Variants in DYNC1I1 observed in about 807,000 individuals in gnomAD.
DYNC1I1 encodes dynein cytoplasmic 1 intermediate chain 1, also known as cytoplasmic dynein 1 intermediate chain 1.
Under a neutral mutation model 86.6 loss-of-function variants are expected in DYNC1I1, and 43 were observed. The ratio of observed to expected loss-of-function variants is 0.50; its 90% CI spans 0.39 to 0.64. The LOEUF is 0.64. DYNC1I1 is among the 30% of genes least tolerant of loss of function. DYNC1I1 has a pLI of 0.00. For missense variants in DYNC1I1, 604 were observed against 788.8 expected (o/e 0.77, Z 2.81); for synonymous variants, 262 against 283.7 (o/e 0.92, Z 0.77).
At chr7:96,105,025 T>C in intron 16 of DYNC1I1, among the ~76,000 whole-genome samples, 1 of 148,474 alleles carries the variant, frequency 6.7e-6, no homozygotes, top group East Asian at 2.1e-4. Flanking sequence ...AGTTCACCAA[T>C]AGGTTGTGCA....
At chr7:95,995,907 T>G (rs1793855750) in intron 9 of DYNC1I1, 41 bp from the exon 10 acceptor site, 1 of 1,549,314 alleles carries the variant, frequency 6.5e-7, no homozygotes, top group Non-Finnish European at 8.7e-7. Flanking sequence ...CCTTGTGTTG[T>G]CATCTTAGCA....
intron 14 of DYNC1I1, among the ~76,000 whole-genome samples, chr7:96,070,159 G>A (rs1790116510): frequency 6.6e-6 from 1 of 152,134 alleles, no homozygotes; most frequent in Non-Finnish European, 1.5e-5. Flanking sequence ...TGCATTAGAA[G>A]GATCTCAAAT....
chr7:95,849,508 A>T (rs1010003184), intron 5 of DYNC1I1, among the ~76,000 whole-genome samples: 1 of 151,896 alleles, frequency 6.6e-6, no homozygotes, highest in Non-Finnish European at 1.5e-5. Flanking sequence ...CCACCTGCAT[A>T]AAAAAAATTG....
At chr7:95,989,623 A>T (rs1793680548) in intron 9 of DYNC1I1, among the ~76,000 whole-genome samples, 1 of 152,156 alleles carries the variant, frequency 6.6e-6, no homozygotes, top group South Asian at 2.1e-4. Flanking sequence ...TCAGTAGGTG[A>T]TGGGCCACAT....
intron 6 of DYNC1I1, among the ~76,000 whole-genome samples, chr7:95,974,040 C>G (rs142999489): frequency 0.021 from 3,246 of 152,284 alleles, 57 homozygotes; most frequent in Middle Eastern, 0.031. Flanking sequence ...CTTCACACAA[C>G]TCACTCCCTT....
At chr7:95,996,836 C>T (rs1374518388) in intron 10 of DYNC1I1, among the ~76,000 whole-genome samples, 1 of 152,154 alleles carries the variant, frequency 6.6e-6, no homozygotes, top group Non-Finnish European at 1.5e-5. Context: ...ACAAACATTT[C>T]AGCTCAAAAT....
chr7:96,078,466 G>A (rs535530701), intron 15 of DYNC1I1, among the ~76,000 whole-genome samples: 1 of 152,068 alleles, frequency 6.6e-6, no homozygotes, highest in Admixed American at 6.5e-5. Context: ...ATTTTCTAGC[G>A]CATAATATAG....
chr7:95,955,439 C>T (rs1374266152), intron 6 of DYNC1I1, among the ~76,000 whole-genome samples: 1 of 152,040 alleles, frequency 6.6e-6, no homozygotes, highest in Non-Finnish European at 1.5e-5. Flanking sequence ...TCTCCCACCT[C>T]TCCGGAGTTA....
intron 5 of DYNC1I1, among the ~76,000 whole-genome samples, chr7:95,850,823 T>A (rs1269469692): frequency 6.6e-6 from 1 of 152,220 alleles, no homozygotes; most frequent in Non-Finnish European, 1.5e-5. Context: ...CCTTTTCACA[T>A]AAATGAAACG....
At chr7:96,084,168 T>C (rs1401761958) in intron 16 of DYNC1I1, among the ~76,000 whole-genome samples, 1 of 152,100 alleles carries the variant, frequency 6.6e-6, no homozygotes, top group African/African-American at 2.4e-5. Flanking sequence ...GGCACCGTGC[T>C]TAGGGGAGCC....
At chr7:95,863,690 G>T (rs1486402681) in intron 5 of DYNC1I1, among the ~76,000 whole-genome samples, 1 of 151,888 alleles carries the variant, frequency 6.6e-6, no homozygotes, top group East Asian at 1.9e-4. Context: ...AAATCTAGTG[G>T]GTTTTCTTTA....
chr7:95,938,387 A>G (rs756994437), intron 6 of DYNC1I1, among the ~76,000 whole-genome samples: 24 of 152,206 alleles, frequency 1.6e-4, no homozygotes, highest in Admixed American at 2.6e-4. Flanking sequence ...AGGTAATCCA[A>G]TAAAGAATTT....
At chr7:95,808,144 G>C (rs1487175580) in intron 2 of DYNC1I1, among the ~76,000 whole-genome samples, 3 of 152,024 alleles carry the variant, frequency 2.0e-5, no homozygotes, top group Non-Finnish European at 4.4e-5. Flanking sequence ...ACTGGCCACT[G>C]TCACTGACTC....
chr7:96,033,561 T>C (rs900986407), intron 12 of DYNC1I1, among the ~76,000 whole-genome samples: 1 of 152,330 alleles, frequency 6.6e-6, no homozygotes, highest in Admixed American at 6.5e-5. Flanking sequence ...GAAGTCATTG[T>C]TATAGACTTT....
At chr7:95,892,185 G>A (rs1269474020) in intron 6 of DYNC1I1, among the ~76,000 whole-genome samples, 1 of 151,748 alleles carries the variant, frequency 6.6e-6, no homozygotes, top group Admixed American at 6.6e-5. Flanking sequence ...CATCCAGGCT[G>A]GAGTGCAGTG....
At chr7:95,871,079 G>A (rs1790150829) in intron 6 of DYNC1I1, among the ~76,000 whole-genome samples, 1 of 152,138 alleles carries the variant, frequency 6.6e-6, no homozygotes, top group Non-Finnish European at 1.5e-5. Context: ...GTTTATGCAA[G>A]CTACAGGTTT....
intron 6 of DYNC1I1, among the ~76,000 whole-genome samples, chr7:95,955,844 A>G (rs1167787203): frequency 2.0e-5 from 3 of 152,206 alleles, no homozygotes; most frequent in Non-Finnish European, 4.4e-5. Flanking sequence ...AAGGATGTTA[A>G]TGCCAGGTGC....
In DYNC1I1 at chr7:95,813,365, G is replaced by C. The variant is rs748958479; in HGVS notation, c.314+28G>C. On this transcript the variant is annotated intron_variant, in intron 4 of 16. Coordinates refer to ENST00000447467, the MANE Select transcript of DYNC1I1 (RefSeq NM_001135556.2). ...AAGAATTGTCCCTTTAAAAGGCCAT[G>C]ATGGGTGTCAATTAAAAAAAAAAAA... 13 of 1,560,634 alleles carry C rather than the reference G, an allele frequency of 8.3e-6. No homozygotes were observed. The South Asian group carries it at 1.5e-4, about 19-fold the overall frequency.
At chr7:95,963,651 C>G (rs1792931503) in intron 6 of DYNC1I1, among the ~76,000 whole-genome samples, 1 of 152,156 alleles carries the variant, frequency 6.6e-6, no homozygotes, top group Non-Finnish European at 1.5e-5. Context: ...AGTGAAATCT[C>G]TCCTAGCACC....
Sources: allele counts gnomAD v4.1 joint callset (sites outside exome capture counted in the v4.1 genomes callset), GRCh38; gene constraint gnomAD v4.1.1; transcripts MANE v1.5; gene names NCBI Gene and HGNC (gene_info 2026-07-23, HGNC 2026-07-21).